The following MYO1E variants were observed in gnomAD, a reference collection of about 807,000 sequenced individuals.
MYO1E encodes unconventional myosin-Ie.
MYO1E carries 68 observed loss-of-function variants against 151.1 expected under a neutral mutation model. That is an observed-to-expected ratio of 0.45 (90% CI 0.37 to 0.55). The LOEUF is 0.55. Among genes scored for constraint, MYO1E ranks in the 20% least tolerant of loss-of-function variants. The pLI, the probability that MYO1E is intolerant of heterozygous loss-of-function variation, is 0.00. For synonymous variants in MYO1E, 601 were observed against 501.7 expected, an observed-to-expected ratio of 1.20 and a Z score of -2.64; for missense variants, 1,363 against 1,389.3, an observed-to-expected ratio of 0.98 and a Z score of 0.30.
At chr15:59,281,171 T>C (rs1347470401) in intron 1 of MYO1E, among the ~76,000 whole-genome samples, 1 of 152,188 alleles carries the variant, frequency 6.6e-6, no homozygotes, top group South Asian at 2.1e-4. Flanking sequence ...ATTAACACCA[T>C]TTGAAGCAGA....
At chr15:59,319,680 G>T (rs1292614691) in intron 1 of MYO1E, among the ~76,000 whole-genome samples, 2 of 150,584 alleles carry the variant, frequency 1.3e-5, no homozygotes, top group Non-Finnish European at 2.9e-5. Flanking sequence ...GAGGCATGCG[G>T]ATCACCTGAG....
chr15:59,136,056 T>A lies in MYO1E; in HGVS notation c.*1324A>T, dbSNP rs1407542127. ...GGGCAGGGCTGGTTCCTTGTGAGGG[T>A]GTGAGGGAGAATCTGTTCCAGGCCT... On this transcript the variant is annotated 3_prime_UTR_variant, in exon 28 of 28. Coordinates refer to ENST00000288235, the MANE Select transcript of MYO1E (RefSeq NM_004998.4). 1.3e-5 allele frequency: 2 copies of A among 152,266 alleles called. No individual in the cohort carries two copies. Among genetic ancestry groups the A allele is most frequent in the Non-Finnish European group, 2.9e-5 (2 of 68,118 alleles). 9.4% of individuals were successfully genotyped at this position (152,266 alleles called of 1,614,324 possible).
At chr15:59,303,298 C>G (rs28604898) in intron 1 of MYO1E, among the ~76,000 whole-genome samples, 25,374 of 152,106 alleles carry the variant, frequency 0.17, 3,521 homozygotes, top group African/African-American at 0.38. Flanking sequence ...GCCTGTAGTT[C>G]TAGCTACTTG....
chr15:59,247,024 T>C (rs544712249), intron 4 of MYO1E, among the ~76,000 whole-genome samples: 101 of 152,248 alleles, frequency 6.6e-4, no homozygotes, highest in Non-Finnish European at 2.9e-5. Context: ...AAGAAGACCC[T>C]GTCGCTACAA....
intron 19 of MYO1E, among the ~76,000 whole-genome samples, chr15:59,174,509 TAC>T (rs1356632904): frequency 1.3e-5 from 2 of 152,228 alleles, no homozygotes; most frequent in African/African-American, 4.8e-5. Flanking sequence ...CCTGCCTTGC[TAC>T]AGTCTCTGTG....
chr15:59,169,996 A>G (rs1051657646), intron 22 of MYO1E, among the ~76,000 whole-genome samples: 3 of 151,994 alleles, frequency 2.0e-5, no homozygotes, highest in African/African-American at 4.8e-5. Context: ...CTTGTCTCTC[A>G]CTAAAAATAC....
At chr15:59,341,971 T>C (rs1230883227) in intron 1 of MYO1E, among the ~76,000 whole-genome samples, 4 of 152,190 alleles carry the variant, frequency 2.6e-5, no homozygotes, top group African/African-American at 9.7e-5. Context: ...GCTATACTCA[T>C]TTATATTTCC....
chr15:59,204,310 C>A (rs1369741318), intron 15 of MYO1E, among the ~76,000 whole-genome samples: 5 of 152,186 alleles, frequency 3.3e-5, no homozygotes, highest in African/African-American at 4.8e-5. Context: ...GTAAACGGAG[C>A]AGAACAGCTG....
At chr15:59,235,796 T>C (rs2080058705) in intron 5 of MYO1E, among the ~76,000 whole-genome samples, 1 of 152,202 alleles carries the variant, frequency 6.6e-6, no homozygotes, top group Non-Finnish European at 1.5e-5. Context: ...CAGCAATGTA[T>C]GAGAACAACT....
At chr15:59,357,071 AATTCTTG>A (rs2080858036) in intron 1 of MYO1E, among the ~76,000 whole-genome samples, 3 of 151,856 alleles carry the variant, frequency 2.0e-5, no homozygotes, top group Admixed American at 6.6e-5. Context: ...ACACCCAGCT[AATTCTTG>A]TATTTTCAGT....
At chr15:59,235,617 C>T (rs1454569058) in intron 5 of MYO1E, among the ~76,000 whole-genome samples, 1 of 152,144 alleles carries the variant, frequency 6.6e-6, no homozygotes, top group Non-Finnish European at 1.5e-5. Context: ...TTTTGCATTA[C>T]CAAAATTGAC....
At chr15:59,213,404 C>T (rs1469016752) in intron 12 of MYO1E, among the ~76,000 whole-genome samples, 4 of 151,946 alleles carry the variant, frequency 2.6e-5, no homozygotes, top group Admixed American at 2.6e-4. Context: ...TTCCTGACCT[C>T]AAGTGATCTG....
chr15:59,253,496 T>TG (rs2080177006), intron 4 of MYO1E, among the ~76,000 whole-genome samples: 1 of 150,562 alleles, frequency 6.6e-6, no homozygotes, highest in African/African-American at 2.4e-5. Context: ...TTTTTTTTTT[T>TG]TTTTGAGACA....
chr15:59,299,170 A>T (rs1255277533), intron 1 of MYO1E, among the ~76,000 whole-genome samples: 1 of 152,218 alleles, frequency 6.6e-6, no homozygotes, highest in African/African-American at 2.4e-5. Flanking sequence ...TTTAATATTA[A>T]TAGCTACTGC....
rs1164423501 is a variant in MYO1E, at chr15:59,135,471, G to A, written c.*1909C>T. 1 of 152,190 alleles carries A rather than the reference G, an allele frequency of 6.6e-6. No individual in the cohort carries two copies. The highest frequency in any genetic ancestry group is 1.9e-4 in the East Asian group (1 of 5,190). The allele number at this position is 152,190 out of a possible 1,614,324, so 9.4% of individuals were successfully genotyped here. ...GTTCTGGTGGTATCTTCCTCCCACT[G>A]CGGGGAGTCCATGAATGTGAAAGTA... is the stretch of plus-strand genomic sequence containing the variant. On this transcript the variant is annotated 3_prime_UTR_variant, in exon 28 of 28. Coordinates refer to ENST00000288235, the MANE Select transcript of MYO1E (RefSeq NM_004998.4).
intron 1 of MYO1E, among the ~76,000 whole-genome samples, chr15:59,358,055 C>G (rs1346068957): frequency 1.3e-5 from 2 of 152,158 alleles, no homozygotes; most frequent in African/African-American, 2.4e-5. Context: ...TTAAATACAA[C>G]TGCTGCAAAA....
In MYO1E at chr15:59,174,219, T is replaced by C; in HGVS notation, c.2071A>G (p.Arg691Gly). Residue 691 changes from arginine (R) to glycine (G), a missense_variant, in exon 20 of 28, where the codon AGA becomes GGA. Physicochemically the swap from Arg to Gly is moderately radical, Grantham distance 125. Transcript: ENST00000288235. ...PESLFLLEEMRERKYDGYARV... is the reference protein window; with the variant it reads ...PESLFLLEEMGERKYDGYARV... ...GCATACCCATCATACTTTCTCTCTC[T>C]CATCTCTTCTAAAAGAAATAGCTGT... is the stretch of plus-strand genomic sequence containing the variant. 1 of 1,613,520 alleles carries C rather than the reference T, an allele frequency of 6.2e-7. No individual in the cohort carries two copies. Among genetic ancestry groups the C allele is most frequent in the Non-Finnish European group, 8.5e-7 (1 of 1,179,496 alleles).
In MYO1E at chr15:59,227,676, AG is replaced by A. The variant is rs1170623753; in HGVS notation, c.511-87del. The A allele has an allele frequency of 3.3e-6, 5 of 1,522,524 alleles. No homozygotes were observed. The African/African-American group carries it at 6.9e-5, about 21-fold the overall frequency. 94.3% of individuals were successfully genotyped at this position (1,522,524 alleles called of 1,614,324 possible). ...GGCTTTGAATACAGTATATAATTCA[AG>A]GAAATTCATTAATAAAATACACATT... On this transcript the variant is annotated intron_variant, in intron 6 of 27. Transcript: ENST00000288235.
At chr15:59,347,422 G>A (rs142529793) in intron 1 of MYO1E, among the ~76,000 whole-genome samples, 2 of 152,154 alleles carry the variant, frequency 1.3e-5, no homozygotes, top group South Asian at 4.1e-4. Context: ...GCTCTAGAGG[G>A]TTCATGCTAC....
Sources: allele counts gnomAD v4.1 joint callset (sites outside exome capture counted in the v4.1 genomes callset), GRCh38; gene constraint gnomAD v4.1.1; transcripts MANE v1.5; gene names NCBI Gene and HGNC (gene_info 2026-07-23, HGNC 2026-07-21).